The following FCHSD2 variants were observed in gnomAD, a reference collection of about 807,000 sequenced individuals.
FCHSD2 encodes the protein F-BAR and double SH3 domains protein 2.
In FCHSD2, 38 loss-of-function variants were observed where a neutral mutation model predicts 108.1. The ratio of observed to expected loss-of-function variants is 0.35; its 90% CI spans 0.27 to 0.46. FCHSD2 has a LOEUF of 0.46. FCHSD2 is among the 20% of genes least tolerant of loss of function. The pLI is 1.00. For synonymous variants in FCHSD2, 279 were observed against 314.7 expected (o/e 0.89, Z 1.20); for missense variants, 751 against 897.8 (o/e 0.84, Z 2.09).
At chr11:73,050,975 T>C (rs1409569432) in intron 3 of FCHSD2, among the ~76,000 whole-genome samples, 1 of 152,134 alleles carries the variant, frequency 6.6e-6, no homozygotes, top group Non-Finnish European at 1.5e-5. Context: ...ATTTAGAAAG[T>C]TTTAAGCAAT....
At chr11:73,057,345 GA>G (rs998417919) in intron 3 of FCHSD2, among the ~76,000 whole-genome samples, 2 of 151,700 alleles carry the variant, frequency 1.3e-5, no homozygotes, top group Non-Finnish European at 2.9e-5. Flanking sequence ...TCACAAGGAA[GA>G]AAAAAAACAG....
intron 8 of FCHSD2, among the ~76,000 whole-genome samples, chr11:72,957,236 A>C (rs1418941921): frequency 8.1e-6 from 1 of 123,808 alleles, no homozygotes; most frequent in Non-Finnish European, 1.6e-5. Context: ...TCCTGTGTCC[A>C]TGTGATCTCA....
intron 2 of FCHSD2, among the ~76,000 whole-genome samples, chr11:73,113,108 T>C (rs1241797552): frequency 2.0e-5 from 3 of 152,184 alleles, no homozygotes; most frequent in Non-Finnish European, 4.4e-5. Flanking sequence ...AATTCTGCTG[T>C]TAAGAAATTA....
chr11:72,896,608 T>A (rs1459283538), intron 10 of FCHSD2, among the ~76,000 whole-genome samples: 1 of 151,896 alleles, frequency 6.6e-6, no homozygotes, highest in Non-Finnish European at 1.5e-5. Flanking sequence ...GTGGAATAAG[T>A]AGAACAAAAG....
In FCHSD2 at chr11:73,119,906, G is replaced by C. The variant is rs528022687; in HGVS notation, c.119+20125C>G. ...ATGCTGCTGATAAAGACATACCTAA[G>C]ACTGGGCAATTTACAAAAGAAAGAA... On this transcript the variant is annotated intron_variant, in intron 2 of 19. Transcript: ENST00000409418. 3.3e-5 allele frequency among the ~76,000 whole-genome samples: 5 copies of C among 152,262 alleles called. No homozygotes were observed. In the East Asian group the frequency reaches 9.6e-4, roughly 29 times the overall value.
At chr11:72,946,837 AG>A (rs1448005817) in intron 8 of FCHSD2, among the ~76,000 whole-genome samples, 1 of 152,226 alleles carries the variant, frequency 6.6e-6, no homozygotes, top group Admixed American at 6.5e-5. Flanking sequence ...TATAATGCCT[AG>A]GGAAATTTTT....
chr11:72,983,974 G>A, intron 8 of FCHSD2, 114 bp downstream of exon 8: 2 of 797,074 alleles, frequency 2.5e-6, no homozygotes, highest in Non-Finnish European at 2.1e-6. Context: ...CCAATGAGAT[G>A]CAACATAGCC....
At chr11:72,943,205 C>A (rs561233301) in intron 8 of FCHSD2, among the ~76,000 whole-genome samples, 1 of 152,182 alleles carries the variant, frequency 6.6e-6, no homozygotes, top group South Asian at 2.1e-4. Flanking sequence ...GTTAGCCAGG[C>A]TGGTCTCGAA....
intron 9 of FCHSD2, among the ~76,000 whole-genome samples, chr11:72,916,766 G>A (rs1411572050): frequency 6.6e-6 from 1 of 152,076 alleles, no homozygotes; most frequent in African/African-American, 2.4e-5. Flanking sequence ...AATGTCCTTT[G>A]ATGCACAAAA....
At chr11:73,049,818 A>T (rs1475475801) in intron 3 of FCHSD2, among the ~76,000 whole-genome samples, 1 of 152,080 alleles carries the variant, frequency 6.6e-6, no homozygotes, top group Non-Finnish European at 1.5e-5. Context: ...TTTTAAGGAG[A>T]GGATAAAATT....
chr11:73,091,052 T>C (rs940947003), intron 2 of FCHSD2, among the ~76,000 whole-genome samples: 3 of 152,260 alleles, frequency 2.0e-5, no homozygotes, highest in African/African-American at 7.2e-5. Context: ...GCACTTAGCA[T>C]ACATTTGTAA....
At chr11:72,862,761 T>C (rs574871653) in intron 13 of FCHSD2, among the ~76,000 whole-genome samples, 10 of 152,246 alleles carry the variant, frequency 6.6e-5, no homozygotes, top group African/African-American at 1.9e-4. Context: ...GGACCTAGAA[T>C]ACCCAAAACA....
At chr11:73,044,867 G>A (rs1327463401) in intron 3 of FCHSD2, among the ~76,000 whole-genome samples, 1 of 152,032 alleles carries the variant, frequency 6.6e-6, no homozygotes, top group African/African-American at 2.4e-5. Flanking sequence ...TCAGGAGATC[G>A]AGACCATCCT....
chr11:72,975,733 T>C (rs1857092480), intron 8 of FCHSD2, among the ~76,000 whole-genome samples: 1 of 152,240 alleles, frequency 6.6e-6, no homozygotes, highest in South Asian at 2.1e-4. Flanking sequence ...CAAATTATAT[T>C]TTCTAGATTT....
At chr11:72,925,540 A>C (rs544333499) in intron 8 of FCHSD2, among the ~76,000 whole-genome samples, 2 of 152,296 alleles carry the variant, frequency 1.3e-5, no homozygotes, top group African/African-American at 4.8e-5. Flanking sequence ...ACAAACAAAC[A>C]AACAAATAAA....
At chr11:73,048,013 GTTTC>G (rs1858808223) in intron 3 of FCHSD2, among the ~76,000 whole-genome samples, 1 of 151,924 alleles carries the variant, frequency 6.6e-6, no homozygotes, top group East Asian at 1.9e-4. Context: ...ATTCTATATT[GTTTC>G]TTTAAGTAGT....
intron 12 of FCHSD2, among the ~76,000 whole-genome samples, chr11:72,879,882 C>T (rs1855044433): frequency 6.6e-6 from 1 of 151,582 alleles, no homozygotes; most frequent in Admixed American, 6.6e-5. Flanking sequence ...GCCTGTAATC[C>T]CAGCTACTTG....
At chr11:72,977,485 T>C (rs1323302566) in intron 8 of FCHSD2, among the ~76,000 whole-genome samples, 2 of 151,734 alleles carry the variant, frequency 1.3e-5, no homozygotes, top group African/African-American at 4.8e-5. Flanking sequence ...AACAACTCTA[T>C]AGGAAAAAAA....
At chr11:72,870,848 C>T (rs979793196) in intron 12 of FCHSD2, among the ~76,000 whole-genome samples, 2 of 123,440 alleles carry the variant, frequency 1.6e-5, no homozygotes, top group Non-Finnish European at 3.1e-5. Context: ...TTCAGTGAGC[C>T]GAGATTGCGC....
Sources: allele counts gnomAD v4.1 joint callset (sites outside exome capture counted in the v4.1 genomes callset), GRCh38; gene constraint gnomAD v4.1.1; transcripts MANE v1.5; gene names NCBI Gene and HGNC (gene_info 2026-07-23, HGNC 2026-07-21).